The following SERGEF variants were observed in gnomAD, a reference collection of about 807,000 sequenced individuals.
The protein encoded by SERGEF is secretion-regulating guanine nucleotide exchange factor.
Under a neutral mutation model 50.0 loss-of-function variants are expected in SERGEF, and 51 were observed. That is an observed-to-expected ratio of 1.02 (90% CI 0.81 to 1.29). The LOEUF (loss-of-function observed/expected upper bound fraction) is 1.29. SERGEF is among the 50% of genes most tolerant of loss of function. The pLI, the probability that SERGEF is intolerant of heterozygous loss-of-function variation, is 0.00. For synonymous variants in SERGEF, 205 were observed against 212.4 expected, an observed-to-expected ratio of 0.97 and a Z score of 0.30; for missense variants, 521 against 557.0, an observed-to-expected ratio of 0.94 and a Z score of 0.65.
chr11:17,841,655 A>G (rs1220929219), intron 10 of SERGEF, among the ~76,000 whole-genome samples: 2 of 152,180 alleles, frequency 1.3e-5, no homozygotes, highest in Admixed American at 6.5e-5. Flanking sequence ...TGCCCTCCCC[A>G]TGAGTAACAT....
At chr11:17,820,327 T>G (rs1238495788) in intron 10 of SERGEF, among the ~76,000 whole-genome samples, 1 of 150,988 alleles carries the variant, frequency 6.6e-6, no homozygotes, top group African/African-American at 2.4e-5. Flanking sequence ...TAGCTCCCAC[T>G]AAGGTCATAC....
rs544991066 is a variant in SERGEF, at chr11:17,837,291, T to A, written c.1048+40917A>T. Among the ~76,000 whole-genome samples, 7 of 152,212 alleles carry A rather than the reference T, an allele frequency of 4.6e-5. No homozygotes were observed. In the South Asian group the frequency reaches 1.5e-3, roughly 32 times the overall value. On this transcript the variant is annotated intron_variant, in intron 10 of 10. Coordinates refer to ENST00000265965, the MANE Select transcript of SERGEF (RefSeq NM_012139.4). ...TGAGTAAGTGATAAATAAATGAATA[T>A]TTATTGAAAGCCAAATGAATGAGTT... is the stretch of plus-strand genomic sequence containing the variant.
intron 3 of SERGEF, among the ~76,000 whole-genome samples, chr11:18,005,217 C>T (rs1407786680): frequency 2.0e-5 from 3 of 152,194 alleles, no homozygotes; most frequent in African/African-American, 7.2e-5. Context: ...CTACTGACTC[C>T]TTACAATCCA....
chr11:17,986,033 G>C (rs211121), intron 8 of SERGEF, among the ~76,000 whole-genome samples: 144,455 of 152,252 alleles, frequency 0.95, 68,982 homozygotes, highest in South Asian at 1. Flanking sequence ...CCCAGAATGA[G>C]ACTGAGAGCA....
intron 9 of SERGEF, among the ~76,000 whole-genome samples, chr11:17,915,141 G>T (rs879416205): frequency 6.7e-6 from 1 of 148,302 alleles, no homozygotes. Context: ...GTAGATGCTC[G>T]TTGTATGAAT....
At chr11:17,807,811 G>T (rs1259036509) in intron 10 of SERGEF, among the ~76,000 whole-genome samples, 1 of 152,202 alleles carries the variant, frequency 6.6e-6, no homozygotes, top group Non-Finnish European at 1.5e-5. Flanking sequence ...GCCAGGCTGT[G>T]AACCAGGAGG....
In SERGEF at chr11:18,013,001, C is replaced by A. The variant is rs921807829; in HGVS notation, c.10G>T (p.Glu4Ter). The A allele has an allele frequency of 4.1e-6, 6 of 1,446,058 alleles. No individual in the cohort carries two copies. Among genetic ancestry groups the A allele is most frequent in the Non-Finnish European group, 4.5e-6 (5 of 1,110,236 alleles). 89.6% of individuals were successfully genotyped at this position (1,446,058 alleles called of 1,614,324 possible). Residue 4 changes from glutamate (E) to a stop codon, truncating the protein, a stop_gained, in exon 1 of 11, where the codon GAG (glutamate) becomes TAG (stop). Coordinates refer to ENST00000265965, the MANE Select transcript of SERGEF (RefSeq NM_012139.4). LOFTEE classifies it high-confidence loss of function. This position sits in a 1 kb window ranked among gnomAD's most constrained non-coding sequence, Gnocchi z 4.3. ...GGGGCGGCCTCCGAGGCGCTGGGCTCGCGCTCCATGCGAGGACGCTCCGCC... is the reference window on the plus strand; with the variant it reads ...GGGGCGGCCTCCGAGGCGCTGGGCTAGCGCTCCATGCGAGGACGCTCCGCC... The part of the protein sequence containing the change: MER[E>*]PSASEAAPAA...
intron 8 of SERGEF, among the ~76,000 whole-genome samples, chr11:17,980,769 T>C (rs935502911): frequency 1.3e-5 from 2 of 152,248 alleles, no homozygotes; most frequent in African/African-American, 4.8e-5. Flanking sequence ...TTTTATTTGT[T>C]TCCATACCTT....
intron 10 of SERGEF, among the ~76,000 whole-genome samples, chr11:17,811,286 A>G (rs2133835253): frequency 6.6e-6 from 1 of 152,352 alleles, no homozygotes; most frequent in South Asian, 2.1e-4. Context: ...TCTCTGCAGG[A>G]CAACTTTTCT....
At chr11:17,809,664 A>G (rs1278050090) in intron 10 of SERGEF, among the ~76,000 whole-genome samples, 1 of 152,178 alleles carries the variant, frequency 6.6e-6, no homozygotes, top group Non-Finnish European at 1.5e-5. Flanking sequence ...AGTGGGACGC[A>G]GAAGAGGGCA....
chr11:17,936,695 G>A (rs1565209544), intron 9 of SERGEF, among the ~76,000 whole-genome samples: 1 of 152,324 alleles, frequency 6.6e-6, no homozygotes, highest in East Asian at 1.9e-4. Flanking sequence ...GAGACTCACA[G>A]TTAGGGGTTC....
intron 10 of SERGEF, among the ~76,000 whole-genome samples, chr11:17,846,082 G>A (rs907090275): frequency 6.6e-6 from 1 of 152,196 alleles, no homozygotes; most frequent in African/African-American, 2.4e-5. Flanking sequence ...ACTGCTTCTG[G>A]CCCCTAAAGG....
chr11:17,792,456 G>T (rs918070885), intron 10 of SERGEF, among the ~76,000 whole-genome samples: 2 of 152,216 alleles, frequency 1.3e-5, no homozygotes, highest in East Asian at 1.9e-4. Context: ...TGACCTACCA[G>T]CAGGACACAG....
intron 10 of SERGEF, among the ~76,000 whole-genome samples, chr11:17,831,910 C>T (rs1850315318): frequency 6.6e-6 from 1 of 152,186 alleles, no homozygotes; most frequent in Non-Finnish European, 1.5e-5. Context: ...AAAAACATCT[C>T]AAGGCTCTCC....
chr11:17,906,933 C>A (rs1387276413), intron 9 of SERGEF, among the ~76,000 whole-genome samples: 4 of 151,768 alleles, frequency 2.6e-5, no homozygotes, highest in Non-Finnish European at 5.9e-5. Context: ...TGCTCAGTGT[C>A]CTTGGAGCCA....
intron 9 of SERGEF, among the ~76,000 whole-genome samples, chr11:17,887,359 T>C (rs568923344): frequency 6.6e-6 from 1 of 152,310 alleles, no homozygotes; most frequent in African/African-American, 2.4e-5. Context: ...TACATCTGGA[T>C]TTCAGTAAAG....
chr11:18,012,849 A>G, intron 1 of SERGEF, 102 bp downstream of exon 1: 1 of 1,439,558 alleles, frequency 6.9e-7, no homozygotes, highest in South Asian at 1.2e-5. Flanking sequence ...CCCGGCTCGG[A>G]CCTCAGCCGC....
chr11:17,855,569 G>A (rs1042015243), intron 10 of SERGEF: 2 of 152,226 alleles, frequency 1.3e-5, no homozygotes, highest in Non-Finnish European at 2.9e-5. Context: ...ACTGGACAAA[G>A]AGATGATTCA....
chr11:17,961,210 T>C lies in SERGEF; in HGVS notation c.845-1574A>G, dbSNP rs1215937218. ...AGCCACATCCCTTTCTACTAGCCCA[T>C]GGTATTACTCTGCATTGGTTATTAA... On this transcript the variant is annotated intron_variant, in intron 8 of 10. Coordinates refer to ENST00000265965, the MANE Select transcript of SERGEF (RefSeq NM_012139.4). Among the ~76,000 whole-genome samples the C allele has an allele frequency of 5.9e-5, 9 of 152,274 alleles. No individual in the cohort carries two copies. In the East Asian group the frequency reaches 1.7e-3, roughly 29 times the overall value.
Sources: allele counts gnomAD v4.1 joint callset (sites outside exome capture counted in the v4.1 genomes callset), GRCh38; gene constraint gnomAD v4.1.1; non-coding constraint Gnocchi (gnomAD v3.1); transcripts MANE v1.5; gene names NCBI Gene and HGNC (gene_info 2026-07-23, HGNC 2026-07-21).